ABLIM3: variants seen among roughly 807,000 people sequenced by gnomAD.
ABLIM3 encodes actin binding LIM protein family member 3, also known as actin-binding LIM protein 3.
In ABLIM3, 61 loss-of-function variants were observed where a neutral mutation model predicts 109.5. The ratio of observed to expected loss-of-function variants is 0.56; its 90% CI spans 0.45 to 0.69. The LOEUF is 0.69. Ranked by LOEUF, ABLIM3 falls within the 30% of genes least tolerant of loss-of-function variation. The probability of loss-of-function intolerance (pLI) is 0.00; values close to 1 mark genes in which losing one functional copy is unlikely to be tolerated. For synonymous variants in ABLIM3, 300 were observed against 324.8 expected (o/e 0.92, Z 0.82); for missense variants, 796 against 889.5 (o/e 0.89, Z 1.34).
chr5:149,166,266 C>T (rs1754815655), intron 2 of ABLIM3, among the ~76,000 whole-genome samples: 1 of 152,138 alleles, frequency 6.6e-6, no homozygotes, highest in African/African-American at 2.4e-5. Flanking sequence ...CTTGCATGAC[C>T]TACCCTTGAG....
intron 2 of ABLIM3, among the ~76,000 whole-genome samples, chr5:149,154,586 A>T (rs879924575): frequency 6.6e-6 from 1 of 152,256 alleles, no homozygotes; most frequent in Non-Finnish European, 1.5e-5. Flanking sequence ...TTTAATCCTT[A>T]CAACAATCTT....
At chr5:149,224,407 C>G (rs1760966856) in intron 8 of ABLIM3, among the ~76,000 whole-genome samples, 1 of 152,196 alleles carries the variant, frequency 6.6e-6, no homozygotes, top group Non-Finnish European at 1.5e-5. Flanking sequence ...CTTTATTAAG[C>G]TTCAGGCCCA....
At chr5:149,186,459 A>T (rs913279057) in intron 3 of ABLIM3, among the ~76,000 whole-genome samples, 1 of 152,168 alleles carries the variant, frequency 6.6e-6, no homozygotes, top group African/African-American at 2.4e-5. Flanking sequence ...ATATCTGTCC[A>T]TAATCCACCC....
At chr5:149,167,638 G>C (rs10051277) in intron 2 of ABLIM3, among the ~76,000 whole-genome samples, 15,079 of 152,192 alleles carry the variant, frequency 0.099, 872 homozygotes, top group Admixed American at 0.2. Context: ...AATGTTTCTT[G>C]TAAACCACAG....
intron 7 of ABLIM3, among the ~76,000 whole-genome samples, chr5:149,214,790 C>T (rs1050325047): frequency 6.6e-6 from 1 of 152,224 alleles, no homozygotes; most frequent in Admixed American, 6.5e-5. Flanking sequence ...GTCAGTGTCA[C>T]TCCTTCCATC....
intron 8 of ABLIM3, among the ~76,000 whole-genome samples, chr5:149,229,994 C>A (rs1373226128): frequency 6.6e-6 from 1 of 152,202 alleles, no homozygotes; most frequent in African/African-American, 2.4e-5. Context: ...CATGACACCT[C>A]CTCCCCCTTA....
At chr5:149,216,651 CT>C (rs1160857401) in intron 7 of ABLIM3, 1 of 335,248 alleles carries the variant, frequency 3.0e-6, no homozygotes, top group African/African-American at 2.1e-5. Context: ...CAAAGCAAGC[CT>C]GTTTCCTCCT....
chr5:149,231,431 G>A (rs1193730673), intron 9 of ABLIM3, among the ~76,000 whole-genome samples: 2 of 152,148 alleles, frequency 1.3e-5, no homozygotes, highest in Non-Finnish European at 2.9e-5. Context: ...GGGGGATGGG[G>A]AATGGGGCCT....
intron 2 of ABLIM3, among the ~76,000 whole-genome samples, chr5:149,175,323 AG>A (rs966032535): frequency 6.6e-6 from 1 of 152,216 alleles, no homozygotes. Context: ...GGCAGAAAAC[AG>A]GGACAAAATG....
At position 149,198,931 on chromosome 5, in the gene ABLIM3, G is replaced by A. The variant is rs1011672547; in HGVS notation, c.335+529G>A. 14 of 388,654 alleles carry A rather than the reference G, an allele frequency of 3.6e-5. No homozygotes were observed. The highest frequency in any genetic ancestry group is 8.3e-5 in the African/African-American group (4 of 48,050). 24.1% of individuals were successfully genotyped at this position (388,654 alleles called of 1,614,324 possible). ...CATTCCAACCTCATTGGGTTTTCTC[G>A]AAGATCAATGAGATGATGATGCAAA... On this transcript the variant is annotated intron_variant, in intron 4 of 23. Coordinates refer to ENST00000309868, the MANE Select transcript of ABLIM3 (RefSeq NM_014945.5). The surrounding 1 kb of genome is among the most constrained non-coding windows in gnomAD (Gnocchi z 4.2).
chr5:149,252,955 T>C, intron 23 of ABLIM3, 118 bp downstream of exon 23: 6 of 750,430 alleles, frequency 8.0e-6, no homozygotes, highest in South Asian at 6.5e-5. Context: ...ACACAGCTTA[T>C]TGAAAAAGCA....
intron 2 of ABLIM3, among the ~76,000 whole-genome samples, chr5:149,154,582 C>A (rs187163392): frequency 6.1e-4 from 93 of 152,352 alleles, no homozygotes; most frequent in African/African-American, 2.2e-3. Context: ...TTTATTTAAT[C>A]CTTACAACAA....
At chr5:149,160,481 G>C (rs1754257705) in intron 2 of ABLIM3, among the ~76,000 whole-genome samples, 1 of 151,198 alleles carries the variant, frequency 6.6e-6, no homozygotes, top group South Asian at 2.1e-4. Flanking sequence ...AAAAAAGAAG[G>C]AAATTACTCA....
chr5:149,160,645 G>T (rs1754269912), intron 2 of ABLIM3, among the ~76,000 whole-genome samples: 2 of 152,124 alleles, frequency 1.3e-5, no homozygotes, highest in African/African-American at 2.4e-5. Context: ...GTTAAAGTTG[G>T]TGTCACTGTA....
chr5:149,168,918 C>T (rs1755082377), intron 2 of ABLIM3, among the ~76,000 whole-genome samples: 2 of 152,078 alleles, frequency 1.3e-5, no homozygotes, highest in Non-Finnish European at 2.9e-5. Context: ...ATGTAAAGCC[C>T]AATTCAGTAA....
rs779497053 is a variant in ABLIM3, at chr5:149,252,740, C to A, written c.1858-17C>A. 1 of 1,604,110 alleles carries A rather than the reference C, an allele frequency of 6.2e-7. No individual in the cohort carries two copies. The highest frequency in any genetic ancestry group is 8.5e-7 in the Non-Finnish European group (1 of 1,171,740). Reference sequence around the variant, plus strand: ...CCACCCTCACCCAAGCTGGAGACCACCCCCCTTTCTCCTTAGATCTACCCT... The same window carrying A: ...CCACCCTCACCCAAGCTGGAGACCAACCCCCTTTCTCCTTAGATCTACCCT... On this transcript the variant is annotated splice_polypyrimidine_tract_variant and intron_variant, in intron 22 of 23. Transcript: ENST00000309868.
At chr5:149,245,356 G>A (rs1328783167) in intron 16 of ABLIM3, among the ~76,000 whole-genome samples, 1 of 152,218 alleles carries the variant, frequency 6.6e-6, no homozygotes, top group African/African-American at 2.4e-5. Flanking sequence ...CAGCCACTCA[G>A]CTGCCATCAG....
At chr5:149,172,406 C>A (rs1005186104) in intron 2 of ABLIM3, among the ~76,000 whole-genome samples, 22 of 152,244 alleles carry the variant, frequency 1.4e-4, no homozygotes, top group African/African-American at 5.3e-4. Context: ...CGTTTGAAAA[C>A]CACCGCCTGC....
intron 15 of ABLIM3, 196 bp downstream of exon 15, chr5:149,242,734 T>A (rs571304534): frequency 1.6e-6 from 1 of 629,868 alleles, no homozygotes; most frequent in Admixed American, 2.6e-5. Flanking sequence ...AAAGTCCTCA[T>A]GTCCCCTCAG....
Sources: allele counts gnomAD v4.1 joint callset (sites outside exome capture counted in the v4.1 genomes callset), GRCh38; gene constraint gnomAD v4.1.1; non-coding constraint Gnocchi (gnomAD v3.1); transcripts MANE v1.5; gene names NCBI Gene and HGNC (gene_info 2026-07-23, HGNC 2026-07-21).